The following ARHGEF10L variants were observed in gnomAD, a reference collection of about 807,000 sequenced individuals.
The protein encoded by ARHGEF10L is Rho guanine nucleotide exchange factor 10 like, also known as rho guanine nucleotide exchange factor 10-like protein.
A neutral mutation model predicts 141.2 loss-of-function variants in ARHGEF10L; 69 were observed. The ratio of observed to expected loss-of-function variants is 0.49; its 90% CI spans 0.40 to 0.60. The LOEUF is 0.60. Ranked by LOEUF, ARHGEF10L falls within the 20% of genes least tolerant of loss-of-function variation. The pLI, the probability that ARHGEF10L is intolerant of heterozygous loss-of-function variation, is 0.00. For synonymous variants in ARHGEF10L, 711 were observed against 718.5 expected (o/e 0.99, Z 0.17); for missense variants, 1,482 against 1,734.3 (o/e 0.85, Z 2.58).
chr1:17,514,094 G>A, the ARHGEF10L span, among the ~76,000 whole-genome samples: 1 of 146,692 alleles, frequency 6.8e-6, no homozygotes. Context: ...AAAGTGCTGG[G>A]ATTACAGGTG....
At chr1:17,545,125 T>A (rs531057527) in intron 1 of ARHGEF10L, among the ~76,000 whole-genome samples, 1 of 152,282 alleles carries the variant, frequency 6.6e-6, no homozygotes, top group East Asian at 1.9e-4. Flanking sequence ...GTGTGTAATG[T>A]ACGTAGTGGT....
At position 17,573,471 on chromosome 1, in the gene ARHGEF10L, G is replaced by A. The variant is rs116453595; in HGVS notation, c.-43-7082G>A. ...GGTTCTCTGGAGAAGAGGGGGGTCA[G>A]TTCAGCTGATGGCAGGTGGCTTCCT... On this transcript the variant is annotated intron_variant, in intron 1 of 28. Coordinates refer to ENST00000361221, the MANE Select transcript of ARHGEF10L (RefSeq NM_018125.4). The surrounding 1 kb of genome is among the most constrained non-coding windows in gnomAD (Gnocchi z 4.8). Among the ~76,000 whole-genome samples, 1,315 of 152,344 alleles carry A rather than the reference G, an allele frequency of 8.6e-3. 5 individuals are homozygous for A. Among genetic ancestry groups the A allele is most frequent in the Non-Finnish European group, 0.014 (976 of 68,026 alleles).
In ARHGEF10L at chr1:17,664,514, C is replaced by T; in HGVS notation, c.2928C>T (p.Thr976=). ...CLTVGPGPVR[T]LLSLEDAVWA... ...CTGTGGGGCCCGGGCCTGTCCGCAC[C>T]CTGTTGAGCCTGGAGGATGCCGTGT... The change falls in exon 26 of 29, where the codon ACC becomes ACT. Residue 976 remains threonine, a synonymous_variant. Coordinates refer to ENST00000361221, the MANE Select transcript of ARHGEF10L (RefSeq NM_018125.4). The T allele has an allele frequency of 6.2e-7, 1 of 1,608,302 alleles. No individual in the cohort carries two copies. Among genetic ancestry groups the T allele is most frequent in the South Asian group, 1.1e-5 (1 of 90,872 alleles).
intron 18 of ARHGEF10L, among the ~76,000 whole-genome samples, chr1:17,635,709 T>C (rs563423399): frequency 4.4e-4 from 67 of 152,268 alleles, no homozygotes; most frequent in African/African-American, 1.6e-3. Flanking sequence ...CCTTTATGGG[T>C]GATTGATCGG....
chr1:17,540,652 C>A (rs925223558), intron 1 of ARHGEF10L, among the ~76,000 whole-genome samples: 6 of 152,124 alleles, frequency 3.9e-5, no homozygotes, highest in Non-Finnish European at 7.4e-5. Context: ...CAAAGCGGGG[C>A]CCTGGGGCGG....
At chr1:17,608,590 G>C (rs2081386595) in intron 7 of ARHGEF10L, among the ~76,000 whole-genome samples, 2 of 152,134 alleles carry the variant, frequency 1.3e-5, no homozygotes, top group South Asian at 4.1e-4. Context: ...GGGAGCCCCT[G>C]AGGCTGTGAG....
the ARHGEF10L span, among the ~76,000 whole-genome samples, chr1:17,515,466 G>A: frequency 6.6e-6 from 1 of 151,280 alleles, no homozygotes. Context: ...GCTAATTTTT[G>A]TATTTTTATT....
intron 1 of ARHGEF10L, among the ~76,000 whole-genome samples, chr1:17,557,029 C>T (rs1226521239): frequency 4.2e-5 from 6 of 142,638 alleles, no homozygotes; most frequent in Admixed American, 1.4e-4. Context: ...AAGACTCCAT[C>T]TCTTAAAAAA....
intron 25 of ARHGEF10L, among the ~76,000 whole-genome samples, chr1:17,660,998 A>G (rs2062588844): frequency 6.6e-6 from 1 of 152,178 alleles, no homozygotes; most frequent in African/African-American, 2.4e-5. Flanking sequence ...CTCATGGTGC[A>G]GATAGGAAAA....
chr1:17,670,876 A>T (rs1463160566), intron 26 of ARHGEF10L, among the ~76,000 whole-genome samples: 1 of 152,148 alleles, frequency 6.6e-6, no homozygotes, highest in East Asian at 1.9e-4. Flanking sequence ...CTCTGCCTGG[A>T]GCACTGTTCC....
intron 5 of ARHGEF10L, 150 bp downstream of exon 5, chr1:17,602,368 G>A (rs762454708): frequency 9.0e-5 from 72 of 804,146 alleles, no homozygotes; most frequent in Non-Finnish European, 1.3e-4. Flanking sequence ...ACCAACCACC[G>A]CCCCCAAGAG....
At position 17,697,270 on chromosome 1, in the gene ARHGEF10L, G is replaced by A. The variant is rs980631630; in HGVS notation, c.3730G>A (p.Gly1244Arg). 5 of 1,612,608 alleles carry A rather than the reference G, an allele frequency of 3.1e-6. No homozygotes were observed. Among genetic ancestry groups the A allele is most frequent in the African/African-American group, 1.3e-5 (1 of 74,938 alleles). The change falls in exon 29 of 29, where the codon GGG becomes AGG. Residue 1244 changes from glycine to arginine, a missense_variant. By Grantham distance (125) the Gly-to-Arg change is moderately radical. Coordinates refer to ENST00000361221, the MANE Select transcript of ARHGEF10L (RefSeq NM_018125.4). This position sits in a 1 kb window ranked among gnomAD's most constrained non-coding sequence, Gnocchi z 4.8. ...TTGCTCTGTGGCCATCATCTCCGGCGGGCAGGGCTACCGCAACTTTGGCAG... is the reference window on the plus strand; with the variant it reads ...TTGCTCTGTGGCCATCATCTCCGGCAGGCAGGGCTACCGCAACTTTGGCAG... ...EICSVAIISG[G>R]QGYRNFGSAL... is the part of the protein sequence containing the mutation.
intron 21 of ARHGEF10L, among the ~76,000 whole-genome samples, chr1:17,646,552 C>A (rs1345828988): frequency 6.6e-6 from 1 of 152,154 alleles, no homozygotes; most frequent in African/African-American, 2.4e-5. Context: ...GGGGGAGCGC[C>A]TACCTCCATG....
chr1:17,642,557 GT>G (rs2061385137), intron 21 of ARHGEF10L, among the ~76,000 whole-genome samples: 2 of 152,152 alleles, frequency 1.3e-5, no homozygotes, highest in South Asian at 4.1e-4. Context: ...GGAGGGGCAG[GT>G]GTGGAGGTGG....
intron 9 of ARHGEF10L, 57 bp downstream of exon 9, chr1:17,616,259 A>G (rs1570942299): frequency 7.7e-5 from 43 of 555,966 alleles, no homozygotes; most frequent in Non-Finnish European, 1.2e-4. Flanking sequence ...GGGGTCGGGG[A>G]GGGTGGGATT....
At chr1:17,579,217 C>T (rs1392922577) in intron 1 of ARHGEF10L, among the ~76,000 whole-genome samples, 1 of 152,188 alleles carries the variant, frequency 6.6e-6, no homozygotes, top group Non-Finnish European at 1.5e-5. Flanking sequence ...GATGGAGTTT[C>T]ACCACGTTGG....
At position 17,656,593 on chromosome 1, in the gene ARHGEF10L, C is replaced by T. The variant is rs2062272425; in HGVS notation, c.2745C>T (p.Cys915=). ...LYSSVDTGTQ[C]LVSCRSPGLQ... is the part of the protein sequence containing the mutation. ...GCAGTGTGGACACTGGCACCCAGTG[C>T]CTGGTGAGCTGCAGGAGCCCAGGTC... The change falls in exon 25 of 29, where the codon TGC becomes TGT. Residue 915 remains cysteine (C), a synonymous_variant. Coordinates refer to ENST00000361221, the MANE Select transcript of ARHGEF10L (RefSeq NM_018125.4). The surrounding 1 kb of genome is among the most constrained non-coding windows in gnomAD (Gnocchi z 4.9). The T allele has an allele frequency of 6.2e-6, 10 of 1,613,434 alleles. No homozygotes were observed. Among genetic ancestry groups the T allele is most frequent in the Non-Finnish European group, 8.5e-6 (10 of 1,179,944 alleles).
intron 1 of ARHGEF10L, among the ~76,000 whole-genome samples, chr1:17,565,226 G>A (rs891588466): frequency 3.3e-5 from 5 of 152,170 alleles, no homozygotes; most frequent in Non-Finnish European, 7.4e-5. Context: ...CTACCCTCAT[G>A]ACCTGATTAC....
chr1:17,683,894 G>C (rs974295316), intron 26 of ARHGEF10L, among the ~76,000 whole-genome samples: 16 of 152,198 alleles, frequency 1.1e-4, no homozygotes, highest in African/African-American at 3.4e-4. Flanking sequence ...CAGGCCTCTG[G>C]GTTTCAGTGC....
Sources: gnomAD v4.1 joint callset for allele counts (sites outside exome capture counted in the v4.1 genomes callset) on GRCh38, gnomAD v4.1.1 for gene constraint, Gnocchi (gnomAD v3.1) non-coding constraint, MANE v1.5 for transcripts, NCBI Gene and HGNC (gene_info 2026-07-23, HGNC 2026-07-21) for gene names.